GTF3C2: variants seen among roughly 807,000 people sequenced by gnomAD.
GTF3C2 encodes the protein general transcription factor 3C polypeptide 2.
GTF3C2 carries 17 observed loss-of-function variants against 117.4 expected under a neutral mutation model. The ratio of observed to expected loss-of-function variants is 0.14; its 90% CI spans 0.10 to 0.22. GTF3C2 has a LOEUF of 0.22. GTF3C2 is among the 10% of genes least tolerant of loss of function. The pLI is 1.00. For missense variants in GTF3C2, 888 were observed against 1,143.6 expected, an observed-to-expected ratio of 0.78 and a Z score of 3.22; for synonymous variants, 437 against 427.0, an observed-to-expected ratio of 1.02 and a Z score of -0.29.
chr2:27,330,255 C>T (rs1355208376), intron 12 of GTF3C2, among the ~76,000 whole-genome samples: 1 of 150,722 alleles, frequency 6.6e-6, no homozygotes, highest in Non-Finnish European at 1.5e-5. Flanking sequence ...GTCAGGAGTT[C>T]AAGACCAGCC....
At chr2:27,356,579 G>A (rs919841630) in intron 1 of GTF3C2, 160 bp downstream of exon 1, 5 of 181,160 alleles carry the variant, frequency 2.8e-5, no homozygotes, top group Non-Finnish European at 6.0e-5. Context: ...TGCGGAGCAT[G>A]ATGGTGCTCT....
intron 12 of GTF3C2, among the ~76,000 whole-genome samples, chr2:27,332,192 C>T (rs1028522660): frequency 6.6e-6 from 1 of 151,904 alleles, no homozygotes. Context: ...AGTTAGTTAG[C>T]TAGTTAGTTA....
intron 1 of GTF3C2, among the ~76,000 whole-genome samples, chr2:27,347,747 C>T (rs2148327760): frequency 6.6e-6 from 1 of 152,282 alleles, no homozygotes; most frequent in East Asian, 1.9e-4. Flanking sequence ...AATTTAATTC[C>T]CATTTGTAAC....
Position 27,342,796 on chromosome 2 carries a change from C to T in GTF3C2, c.569+30G>A, listed in dbSNP as rs746510389. 7.7e-6 allele frequency: 12 copies of T among 1,561,070 alleles called. No individual in the cohort carries two copies. The Admixed American group carries it at 1.0e-4, about 13-fold the overall frequency. ...ACCCTGATCCCTTCACCCAACCCCC[C>T]TCCACCAAGCTATGCCCCACAATCC... On this transcript the variant is annotated intron_variant, in intron 3 of 18. Transcript: ENST00000264720.
At chr2:27,339,064 G>A (rs889563410) in intron 4 of GTF3C2, among the ~76,000 whole-genome samples, 4 of 152,056 alleles carry the variant, frequency 2.6e-5, no homozygotes, top group African/African-American at 9.7e-5. Flanking sequence ...CAGTGTTGTG[G>A]CAAGCCATAT....
At position 27,326,968 on chromosome 2, in the gene GTF3C2, A is replaced by T. The variant is rs185853433; in HGVS notation, c.2518-75T>A. ...AGGGTGACTCCTAGCTGTATGAACAAAAAAAAAAAATGAGCCACAATCTGA... is the reference window on the plus strand; with the variant it reads ...AGGGTGACTCCTAGCTGTATGAACATAAAAAAAAAATGAGCCACAATCTGA... On this transcript the variant is annotated intron_variant, in intron 18 of 18. Coordinates refer to ENST00000264720, the Ensembl canonical transcript of GTF3C2. The T allele has an allele frequency of 2.5e-3, 1,201 of 471,436 alleles. 6 individuals are homozygous for T. In the African/African-American group the frequency reaches 0.039, roughly 15 times the overall value. 29.2% of individuals were successfully genotyped at this position (471,436 alleles called of 1,614,324 possible).
chr2:27,342,073 G>A (rs770595929), exon 4 of GTF3C2: 10 of 1,613,968 alleles, frequency 6.2e-6, no homozygotes, highest in East Asian at 2.2e-5. Flanking sequence ...TCTTCATCCC[G>A]TGGAGCACCA....
At chr2:27,341,282 T>TG (rs1680722039) in intron 4 of GTF3C2, among the ~76,000 whole-genome samples, 1 of 151,226 alleles carries the variant, frequency 6.6e-6, no homozygotes, top group South Asian at 2.1e-4. Flanking sequence ...GTGATCCACC[T>TG]GCCTTGGCCT....
chr2:27,331,168 G>A (rs907914589), intron 12 of GTF3C2, among the ~76,000 whole-genome samples: 2 of 152,164 alleles, frequency 1.3e-5, no homozygotes, highest in Non-Finnish European at 2.9e-5. Context: ...TCAAGTTTAG[G>A]AATTAAGAAA....
chr2:27,337,406 T>C, intron 6 of GTF3C2, 64 bp from the exon 7 acceptor site: 2 of 1,467,248 alleles, frequency 1.4e-6, no homozygotes, highest in Non-Finnish European at 1.9e-6. Context: ...GGGTTCCCAT[T>C]ATAGAGCCTC....
chr2:27,343,114 G>A, exon 3 of GTF3C2: 1 of 1,597,336 alleles, frequency 6.3e-7, no homozygotes. Flanking sequence ...TGAGGCCCTA[G>A]GCTTTGAGAC....
At chr2:27,353,776 G>A (rs978721067) in intron 1 of GTF3C2, among the ~76,000 whole-genome samples, 1 of 152,106 alleles carries the variant, frequency 6.6e-6, no homozygotes, top group Non-Finnish European at 1.5e-5. Flanking sequence ...CTGGAATGCA[G>A]TAGTGCGATG....
intron 1 of GTF3C2, among the ~76,000 whole-genome samples, chr2:27,354,985 G>A (rs1681279543): frequency 6.6e-6 from 1 of 152,072 alleles, no homozygotes; most frequent in Non-Finnish European, 1.5e-5. Flanking sequence ...TGGAATTACT[G>A]TACTACACTG....
At chr2:27,337,046 C>G (rs981439551) in intron 7 of GTF3C2, among the ~76,000 whole-genome samples, 198 bp downstream of exon 7, 13 of 152,184 alleles carry the variant, frequency 8.5e-5, no homozygotes, top group African/African-American at 2.7e-4. Flanking sequence ...CTAAATCTCT[C>G]TAGCTTCCCT....
chr2:27,326,956 G>C (rs1680095389), intron 18 of GTF3C2, 63 bp from the exon 19 acceptor site: 1 of 1,042,380 alleles, frequency 9.6e-7, no homozygotes, highest in Non-Finnish European at 1.4e-6. Flanking sequence ...GTGACTCCTA[G>C]CTGTATGAAC....
At position 27,329,070 on chromosome 2, in the gene GTF3C2, T is replaced by C. The variant is rs768378393; in HGVS notation, c.2039+51A>G. On this transcript the variant is annotated intron_variant, in intron 14 of 18. Transcript: ENST00000264720. The surrounding 1 kb of genome is among the most constrained non-coding windows in gnomAD (Gnocchi z 4.5). ...CCACAACAATCTGGCATGCTTTGCA[T>C]TCCAACCCTTAGGGCCTGTCCCTAG... 1.3e-6 allele frequency: 2 copies of C among 1,598,300 alleles called. No individual in the cohort carries two copies. Among genetic ancestry groups the C allele is most frequent in the Non-Finnish European group, 1.7e-6 (2 of 1,166,214 alleles).
intron 1 of GTF3C2, among the ~76,000 whole-genome samples, chr2:27,355,522 A>T (rs1681336861): frequency 6.8e-6 from 1 of 147,792 alleles, no homozygotes; most frequent in Non-Finnish European, 1.5e-5. Context: ...CTCCGTATCA[A>T]AAAAAAAAAA....
intron 1 of GTF3C2, among the ~76,000 whole-genome samples, chr2:27,353,117 G>A (rs1227143715): frequency 2.0e-5 from 3 of 152,112 alleles, no homozygotes; most frequent in South Asian, 2.1e-4. Flanking sequence ...ACAAAAGGCC[G>A]GGCGCTGTGG....
chr2:27,337,072 G>T, intron 7 of GTF3C2, 172 bp downstream of exon 7: 1 of 611,332 alleles, frequency 1.6e-6, no homozygotes, highest in Non-Finnish European at 3.0e-6. Flanking sequence ...TGCCAGTAAT[G>T]AACACTACAA....
Sources: gnomAD v4.1 joint callset for allele counts (sites outside exome capture counted in the v4.1 genomes callset) on GRCh38, gnomAD v4.1.1 for gene constraint, Gnocchi (gnomAD v3.1) non-coding constraint, MANE v1.5 for transcripts, NCBI Gene and HGNC (gene_info 2026-07-23, HGNC 2026-07-21) for gene names.